DDX46: variants seen among roughly 807,000 people sequenced by gnomAD.
DDX46 encodes the protein probable ATP-dependent RNA helicase DDX46.
Under a neutral mutation model 134.9 loss-of-function variants are expected in DDX46, and 30 were observed. The observed-to-expected ratio is 0.22, with a 90% confidence interval of 0.17 to 0.30. The LOEUF (loss-of-function observed/expected upper bound fraction) is 0.30, where lower values mean the gene tolerates loss of function less well. Among genes scored for constraint, DDX46 ranks in the 10% least tolerant of loss-of-function variants. The pLI is 1.00. For synonymous variants in DDX46, 415 were observed against 404.1 expected (o/e 1.03, Z -0.32); for missense variants, 622 against 1,248.7 (o/e 0.50, Z 7.56).
chr5:134,828,577 G>C (rs1248541611), intron 22 of DDX46, 82 bp from the exon 23 acceptor site: 2 of 850,198 alleles, frequency 2.4e-6, no homozygotes, highest in African/African-American at 4.1e-5. Flanking sequence ...GGGTTTGTTT[G>C]GTTGGTTGGT....
At chr5:134,795,944 T>C (rs1754642615) in intron 14 of DDX46, 44 bp from the exon 15 acceptor site, 2 of 1,568,584 alleles carry the variant, frequency 1.3e-6, no homozygotes, top group Non-Finnish European at 1.7e-6. Flanking sequence ...GGGGATCCAT[T>C]TGCATTTTCA....
At position 134,758,830 on chromosome 5, in the gene DDX46, G is replaced by A; in HGVS notation, c.-109G>A. 1.3e-6 allele frequency: 2 copies of A among 1,543,272 alleles called. No individual in the cohort carries two copies. Among genetic ancestry groups the A allele is most frequent in the Non-Finnish European group, 1.8e-6 (2 of 1,118,810 alleles). Reference sequence around the variant, plus strand: ...GCCGCCACAGCTGTAGGTGCTGCTAGTGTTTAGCGCTGGTCTTTGCCGGGC... The same window carrying A: ...GCCGCCACAGCTGTAGGTGCTGCTAATGTTTAGCGCTGGTCTTTGCCGGGC... On this transcript the variant is annotated 5_prime_UTR_variant, in exon 1 of 23. In the 5' UTR this introduces an upstream ATG that the reference lacks. Transcript: ENST00000452510.
At chr5:134,778,864 G>A (rs1348945074) in intron 6 of DDX46, among the ~76,000 whole-genome samples, 7 of 151,448 alleles carry the variant, frequency 4.6e-5, no homozygotes, top group African/African-American at 1.2e-4. Context: ...GTGAACCACC[G>A]TGCCCAGCCT....
chr5:134,828,595 T>G (rs1422820394), intron 22 of DDX46, 64 bp from the exon 23 acceptor site: 4 of 16,992 alleles, frequency 2.4e-4, no homozygotes, highest in East Asian at 0.083. Context: ...GGTTGGTTCG[T>G]TTTTTTTTTT....
intron 17 of DDX46, 74 bp from the exon 18 acceptor site, chr5:134,811,622 A>G (rs542565948): frequency 5.4e-6 from 8 of 1,473,388 alleles, no homozygotes. Flanking sequence ...ACCTTGAAAA[A>G]TATTTAATTA....
intron 9 of DDX46, among the ~76,000 whole-genome samples, chr5:134,783,903 T>TC (rs1168432108): frequency 6.7e-6 from 1 of 149,710 alleles, no homozygotes; most frequent in Non-Finnish European, 1.5e-5. Context: ...CAGGCTGGTC[T>TC]CCAACTCCTG....
At chr5:134,795,156 A>C (rs1467881394) in intron 14 of DDX46, 142 bp downstream of exon 14, 2 of 930,418 alleles carry the variant, frequency 2.1e-6, no homozygotes, top group East Asian at 2.6e-5. Context: ...TCAGTATTTT[A>C]CCAGATAAAC....
At chr5:134,788,712 A>G in intron 12 of DDX46, 121 bp downstream of exon 12, 1 of 872,344 alleles carries the variant, frequency 1.1e-6, no homozygotes. Flanking sequence ...GCAGTATCTT[A>G]AAATTTGTAG....
chr5:134,804,133 A>G (rs1320521772), intron 15 of DDX46, among the ~76,000 whole-genome samples: 4 of 151,728 alleles, frequency 2.6e-5, no homozygotes, highest in Admixed American at 6.6e-5. Flanking sequence ...GGTTTTTGCT[A>G]TGTTGCCCAG....
rs1231255113 is a variant in DDX46 at position 134,785,524 on chromosome 5, T to C, written c.1402T>C (p.Phe468Leu). The change falls in exon 11 of 23, where the codon TTT (phenylalanine) becomes CTT (leucine). Residue 468 changes from phenylalanine to leucine, a missense_variant. Coordinates refer to ENST00000452510, the MANE Select transcript of DDX46 (RefSeq NM_001300860.2). ...ALQITKECKK[F>L]SKTLGLRVVC... ...ACAGATTACTAAAGAGTGTAAGAAG[T>C]TTTCCAAGACTTTGGGACTTAGAGT... 1 of 1,613,772 alleles carries C rather than the reference T, an allele frequency of 6.2e-7. No individual in the cohort carries two copies. The highest frequency in any genetic ancestry group is 8.5e-7 in the Non-Finnish European group (1 of 1,179,898).
chr5:134,820,169 C>G (rs1755403023), intron 21 of DDX46, among the ~76,000 whole-genome samples: 1 of 152,168 alleles, frequency 6.6e-6, no homozygotes, highest in African/African-American at 2.4e-5. Flanking sequence ...GTCCACCCGC[C>G]TTGGTCTCCC....
intron 13 of DDX46, 91 bp downstream of exon 13, chr5:134,790,643 A>G: frequency 9.2e-7 from 1 of 1,086,600 alleles, no homozygotes. Flanking sequence ...TCTGAAATTC[A>G]CACACACACT....
Position 134,827,028 on chromosome 5 carries a change from A to G in DDX46, c.3051+8A>G. ...GAAGAGCTGATCCGGCTGGTGAGTGAAAACCTTAAAGTTTCGTTTGTTTTG... is the reference window on the plus strand; with the variant it reads ...GAAGAGCTGATCCGGCTGGTGAGTGGAAACCTTAAAGTTTCGTTTGTTTTG... On this transcript the variant is annotated splice_region_variant and intron_variant, in intron 22 of 22. Coordinates refer to ENST00000452510, the MANE Select transcript of DDX46 (RefSeq NM_001300860.2). 1 of 1,609,326 alleles carries G rather than the reference A, an allele frequency of 6.2e-7. No individual in the cohort carries two copies. Among genetic ancestry groups the G allele is most frequent in the Non-Finnish European group, 8.5e-7 (1 of 1,178,062 alleles).
rs1273998991 is a variant in DDX46, at chr5:134,773,682, T to G, written c.448-14T>G. The stretch of plus-strand genomic sequence containing the variant: ...TATTTTCCCCCATCTCTTTCTTTCT[T>G]TTATTCCCCCAAGAACTTTGACCAG... On this transcript the variant is annotated splice_polypyrimidine_tract_variant and intron_variant, in intron 4 of 22. Transcript: ENST00000452510. 2.6e-6 allele frequency: 4 copies of G among 1,563,666 alleles called. No homozygotes were observed. The highest frequency in any genetic ancestry group is 1.4e-5 in the African/African-American group (1 of 72,236).
chr5:134,826,751 T>G (rs1225445522), intron 21 of DDX46, 196 bp from the exon 22 acceptor site: 3 of 502,448 alleles, frequency 6.0e-6, no homozygotes, highest in African/African-American at 5.9e-5. Context: ...CATTTGAAAC[T>G]CTGAAAGTAA....
chr5:134,820,547 A>C (rs1755413132), intron 21 of DDX46, among the ~76,000 whole-genome samples: 1 of 152,032 alleles, frequency 6.6e-6, no homozygotes, highest in South Asian at 2.1e-4. Context: ...ATTTTTGGGT[A>C]GAGTTGGGGT....
At position 134,766,950 on chromosome 5, in the gene DDX46, A is replaced by G. The variant is rs369510892; in HGVS notation, c.240A>G (p.Arg80=). Residue 80 remains arginine, a synonymous_variant, in exon 3 of 23, where the codon CGA becomes CGG. Coordinates refer to ENST00000452510, the MANE Select transcript of DDX46 (RefSeq NM_001300860.2). ...GAAGTAGAGAGAGAGACAGAAGCCG[A>G]GAGCGAAGAAGATCTCGAAGTAGAG... The part of the protein sequence containing the change: ...RSRSRERDRS[R]ERRRSRSRDR... 2 of 1,613,962 alleles carry G rather than the reference A, an allele frequency of 1.2e-6. No individual in the cohort carries two copies. The highest frequency in any genetic ancestry group is 2.7e-5 in the African/African-American group (2 of 74,948).
chr5:134,792,189 T>TATA (rs988862663), intron 13 of DDX46, among the ~76,000 whole-genome samples: 12 of 151,640 alleles, frequency 7.9e-5, no homozygotes, highest in African/African-American at 2.2e-4. Context: ...AAAATAATAA[T>TATA]ATAATAATAA....
chr5:134,788,405 G>A, intron 11 of DDX46, 108 bp from the exon 12 acceptor site: 1 of 801,270 alleles, frequency 1.2e-6, no homozygotes. Context: ...TAATTAAGCA[G>A]GAAGCTTGGA....
Sources: allele counts gnomAD v4.1 joint callset (sites outside exome capture counted in the v4.1 genomes callset), GRCh38; gene constraint gnomAD v4.1.1; transcripts MANE v1.5; gene names NCBI Gene and HGNC (gene_info 2026-07-23, HGNC 2026-07-21).